WDPCP: variants seen among roughly 807,000 people sequenced by gnomAD.
WDPCP encodes the protein WD repeat-containing and planar cell polarity effector protein fritz homolog.
Under a neutral mutation model 93.1 loss-of-function variants are expected in WDPCP, and 71 were observed. The observed-to-expected ratio is 0.76, with a 90% CI of 0.63 to 0.93. The LOEUF (loss-of-function observed/expected upper bound fraction) is 0.93, where lower values mean the gene tolerates loss of function less well. Among genes scored for constraint, WDPCP ranks in the 40% least tolerant of loss-of-function variants. The pLI is 0.00. For synonymous variants in WDPCP, 315 were observed against 315.0 expected (o/e 1.00, Z 0.00); for missense variants, 844 against 887.4 (o/e 0.95, Z 0.62).
In WDPCP at chr2:63,578,815, T is replaced by G. The variant is rs531206095; in HGVS notation, c.75+9382A>C. On this transcript the variant is annotated intron_variant, in intron 1 of 17. Transcript: ENST00000272321. ...AGGTAACACAGAACCCATAACATTT[T>G]GAGATTCTAGAATGGCCTATCGATT... Among the ~76,000 whole-genome samples, 3 of 152,336 alleles carry G rather than the reference T, an allele frequency of 2.0e-5. No homozygotes were observed. In the East Asian group the frequency reaches 5.8e-4, roughly 29 times the overall value.
intron 12 of WDPCP, among the ~76,000 whole-genome samples, chr2:63,337,829 C>T (rs181783814): frequency 6.6e-6 from 1 of 152,062 alleles, no homozygotes; most frequent in Non-Finnish European, 1.5e-5. Context: ...AGATCTTTTG[C>T]CCATTTAAAA....
chr2:63,457,900 C>A (rs1170661978), intron 6 of WDPCP, among the ~76,000 whole-genome samples: 1 of 152,052 alleles, frequency 6.6e-6, no homozygotes, highest in Non-Finnish European at 1.5e-5. Context: ...CCAAGGCAGG[C>A]AGATCATGAG....
At chr2:63,212,439 G>A (rs1344199562) in intron 14 of WDPCP, among the ~76,000 whole-genome samples, 1 of 152,126 alleles carries the variant, frequency 6.6e-6, no homozygotes, top group Non-Finnish European at 1.5e-5. Flanking sequence ...TCACCACCAG[G>A]CCTGCCTTAC....
chr2:63,748,113 C>T (rs1161947394), intron 2 of WDPCP, among the ~76,000 whole-genome samples: 3 of 151,792 alleles, frequency 2.0e-5, no homozygotes, highest in African/African-American at 7.2e-5. Context: ...TATCTGACAA[C>T]TTTTGTTAAA....
At chr2:63,624,214 T>G (rs1339015438) in intron 3 of WDPCP, among the ~76,000 whole-genome samples, 1 of 152,146 alleles carries the variant, frequency 6.6e-6, no homozygotes, top group East Asian at 1.9e-4. Context: ...TAGCACTAAA[T>G]GCCCACAGGA....
intron 13 of WDPCP, among the ~76,000 whole-genome samples, chr2:63,299,846 C>T (rs1685190227): frequency 6.6e-6 from 1 of 152,166 alleles, no homozygotes; most frequent in East Asian, 1.9e-4. Context: ...AAAGCAGCCC[C>T]GATCATTTTC....
rs547850670 is a variant in WDPCP at position 63,775,305 on chromosome 2, G to C, written n.308+38317C>G. 2.6e-5 allele frequency among the ~76,000 whole-genome samples: 4 copies of C among 152,298 alleles called. No homozygotes were observed. The South Asian group carries it at 8.3e-4, about 32-fold the overall frequency. Reference sequence around the variant, plus strand: ...TCTTCATTGTATTGGCTCTCTGAAAGAATGGCTTTTATTGAATTGCACCTA... The same window carrying C: ...TCTTCATTGTATTGGCTCTCTGAAACAATGGCTTTTATTGAATTGCACCTA... On this transcript the variant is annotated intron_variant and non_coding_transcript_variant, in intron 2 of 4. Transcript: ENST00000467687.
upstream of WDPCP, among the ~76,000 whole-genome samples, chr2:63,830,436 C>G (rs1671175393): frequency 6.6e-6 from 1 of 152,048 alleles, no homozygotes; most frequent in African/African-American, 2.4e-5. Context: ...TTAATTTATC[C>G]TCATCCCTAA....
intron 2 of WDPCP, among the ~76,000 whole-genome samples, chr2:63,739,837 T>C (rs1378682573): frequency 6.6e-6 from 1 of 152,054 alleles, no homozygotes; most frequent in East Asian, 1.9e-4. Context: ...ATCAGTGATA[T>C]TGAGCTTTTT....
chr2:63,656,498 G>C (rs559388856), intron 2 of WDPCP, among the ~76,000 whole-genome samples: 1 of 152,326 alleles, frequency 6.6e-6, no homozygotes, highest in South Asian at 2.1e-4. Flanking sequence ...AGCCAGAAAT[G>C]GGCCAAAGCC....
chr2:63,431,507 G>A (rs970366191), intron 9 of WDPCP, among the ~76,000 whole-genome samples: 2 of 149,188 alleles, frequency 1.3e-5, no homozygotes, highest in African/African-American at 5.0e-5. Context: ...AGAGCATATT[G>A]TATCTTTATT....
At chr2:63,637,077 G>A (rs1473504660) in intron 3 of WDPCP, among the ~76,000 whole-genome samples, 1 of 152,154 alleles carries the variant, frequency 6.6e-6, no homozygotes, top group East Asian at 1.9e-4. Flanking sequence ...GTGGCGGCTG[G>A]GCGCGGTAGC....
chr2:63,716,070 A>C (rs1187607101), intron 2 of WDPCP, among the ~76,000 whole-genome samples: 1 of 152,202 alleles, frequency 6.6e-6, no homozygotes. Context: ...AAGACACTAA[A>C]GGAGAGTATA....
At chr2:63,498,907 T>C (rs906491723) in intron 1 of WDPCP, among the ~76,000 whole-genome samples, 1 of 152,166 alleles carries the variant, frequency 6.6e-6, no homozygotes, top group Non-Finnish European at 1.5e-5. Flanking sequence ...GAACCTAAGG[T>C]AAATAAGGAG....
At chr2:63,808,772 G>C (rs896846297) in intron 2 of WDPCP, among the ~76,000 whole-genome samples, 2 of 152,200 alleles carry the variant, frequency 1.3e-5, no homozygotes, top group African/African-American at 4.8e-5. Flanking sequence ...ACCCCGTTTG[G>C]GAAGTGAGGA....
chr2:63,539,898 C>T (rs1454363893), intron 1 of WDPCP, among the ~76,000 whole-genome samples: 7 of 152,068 alleles, frequency 4.6e-5, no homozygotes, highest in African/African-American at 1.7e-4. Context: ...TTATTCAGGA[C>T]ATGTTTTGCA....
chr2:63,768,166 G>C (rs368592788), intron 2 of WDPCP, among the ~76,000 whole-genome samples: 5 of 151,936 alleles, frequency 3.3e-5, no homozygotes. Flanking sequence ...AGTACCTTTT[G>C]TTGAAAATGA....
chr2:63,184,478 A>G (rs958938779), intron 14 of WDPCP, among the ~76,000 whole-genome samples: 1 of 152,126 alleles, frequency 6.6e-6, no homozygotes, highest in African/African-American at 2.4e-5. Context: ...AACTTATTTT[A>G]GCAGAATACA....
chr2:63,244,966 C>A lies in WDPCP; in HGVS notation c.1915+14341G>T, dbSNP rs192867204. Among the ~76,000 whole-genome samples, 266 of 152,214 alleles carry A rather than the reference C, an allele frequency of 1.7e-3. 1 individual carries two copies. The highest frequency in any genetic ancestry group is 6.8e-3 in the Middle Eastern group (2 of 294). On this transcript the variant is annotated intron_variant, in intron 14 of 17. Transcript: ENST00000272321. ...GGTTGAGCATCCTCAATCCAAAAAT[C>A]CAAAATCTGAAGTGATCCAAAACCT...
Sources: allele counts gnomAD v4.1 joint callset (sites outside exome capture counted in the v4.1 genomes callset), GRCh38; gene constraint gnomAD v4.1.1; transcripts MANE v1.5; gene names NCBI Gene and HGNC (gene_info 2026-07-23, HGNC 2026-07-21).